The following RBFOX1 variants were observed in gnomAD, a reference collection of about 807,000 sequenced individuals.
The protein encoded by RBFOX1 is RNA binding protein fox-1 homolog 1.
Under a neutral mutation model 57.7 loss-of-function variants are expected in RBFOX1, and 8 were observed. The ratio of observed to expected loss-of-function variants is 0.14; its 90% CI spans 0.08 to 0.25. The LOEUF is 0.25. Among genes scored for constraint, RBFOX1 ranks in the 10% least tolerant of loss-of-function variants. RBFOX1 has a pLI of 1.00. For synonymous variants in RBFOX1, 326 were observed against 222.4 expected, an observed-to-expected ratio of 1.47 and a Z score of -4.15; for missense variants, 611 against 548.5, an observed-to-expected ratio of 1.11 and a Z score of -1.14.
chr16:5,556,643 C>T (rs1001099963), intron 2 of RBFOX1, among the ~76,000 whole-genome samples: 7 of 152,302 alleles, frequency 4.6e-5, no homozygotes, highest in African/African-American at 1.2e-4. Flanking sequence ...GGAGAACCAG[C>T]GGCTGCAGAC....
chr16:7,293,594 A>C (rs2095836223), intron 4 of RBFOX1, among the ~76,000 whole-genome samples: 1 of 152,194 alleles, frequency 6.6e-6, no homozygotes. Context: ...CTCGCAGGCC[A>C]GATGAGGTTG....
intron 2 of RBFOX1, among the ~76,000 whole-genome samples, chr16:6,549,146 G>GAA (rs71386524): frequency 4.9e-5 from 1 of 20,282 alleles, no homozygotes; most frequent in East Asian, 1.0e-3. Flanking sequence ...GAGGAGGAGG[G>GAA]AAGGAGGAGG....
intron 3 of RBFOX1, among the ~76,000 whole-genome samples, chr16:5,848,681 T>C (rs1047017454): frequency 6.6e-6 from 1 of 152,174 alleles, no homozygotes; most frequent in African/African-American, 2.4e-5. Context: ...AAGCAGGGTG[T>C]CATGCCTGTA....
At chr16:6,660,386 C>T (rs556620814) in intron 3 of RBFOX1, among the ~76,000 whole-genome samples, 1 of 152,124 alleles carries the variant, frequency 6.6e-6, no homozygotes, top group Admixed American at 6.5e-5. Context: ...GCACATGTAC[C>T]CCAGAACTAA....
At position 6,348,520 on chromosome 16, in the gene RBFOX1, CG is replaced by C. The variant is rs552914986; in HGVS notation, c.-64+31467del. Among the ~76,000 whole-genome samples, 18 of 152,132 alleles carry C rather than the reference CG, an allele frequency of 1.2e-4. No individual in the cohort carries two copies. The South Asian group carries it at 3.3e-3, about 28-fold the overall frequency. On this transcript the variant is annotated intron_variant, in intron 2 of 15. Coordinates refer to ENST00000550418, the MANE Select transcript of RBFOX1 (RefSeq NM_018723.4). ...CACTGCTATAAGGAAATACCTGAGA[CG>C]GGGTAATTTATAAAGAAATGAGCAT...
chr16:5,787,011 C>T (rs1278998908), intron 3 of RBFOX1, among the ~76,000 whole-genome samples: 1 of 152,260 alleles, frequency 6.6e-6, no homozygotes, highest in South Asian at 2.1e-4. Flanking sequence ...TGGCAGATGC[C>T]TGTAATCTCA....
At chr16:6,592,992 C>G (rs1024177626) in intron 2 of RBFOX1, among the ~76,000 whole-genome samples, 45 of 152,136 alleles carry the variant, frequency 3.0e-4, no homozygotes, top group East Asian at 5.8e-4. Flanking sequence ...CAGGAGTTCA[C>G]GACTAGCCCG....
chr16:6,486,160 G>T (rs62016817), intron 2 of RBFOX1, among the ~76,000 whole-genome samples: 27,436 of 112,908 alleles, frequency 0.24, 2,655 homozygotes, highest in Middle Eastern at 0.39. Context: ...AAAATATATT[G>T]TCATATTTTA....
At chr16:7,498,672 G>T (rs2069542827) in intron 4 of RBFOX1, among the ~76,000 whole-genome samples, 1 of 152,052 alleles carries the variant, frequency 6.6e-6, no homozygotes, top group African/African-American at 2.4e-5. Context: ...CTGGCGTGCA[G>T]TTGCCATGTA....
intron 4 of RBFOX1, among the ~76,000 whole-genome samples, chr16:7,383,710 G>C (rs1036047825): frequency 3.3e-5 from 5 of 152,088 alleles, no homozygotes; most frequent in Non-Finnish European, 5.9e-5. Flanking sequence ...TATATTAAAC[G>C]CCTATTCAAA....
intron 4 of RBFOX1, among the ~76,000 whole-genome samples, chr16:7,193,810 G>A (rs919685994): frequency 3.9e-5 from 6 of 152,098 alleles, no homozygotes; most frequent in Admixed American, 3.9e-4. Flanking sequence ...AAGATATTAT[G>A]GTAATGTATT....
intron 3 of RBFOX1, among the ~76,000 whole-genome samples, chr16:6,777,015 A>T (rs1410784110): frequency 6.6e-6 from 1 of 152,232 alleles, no homozygotes. Flanking sequence ...AGAAACTAAT[A>T]GCCTTCTGTA....
intron 4 of RBFOX1, among the ~76,000 whole-genome samples, chr16:7,182,637 A>G (rs1349684804): frequency 6.6e-6 from 1 of 152,240 alleles, no homozygotes; most frequent in Non-Finnish European, 1.5e-5. Context: ...AATATTCCAT[A>G]GATTCCAGAG....
In RBFOX1 at chr16:6,695,392, A is replaced by C. The variant is rs551969660; in HGVS notation, c.-16+40742A>C. 1.0e-4 allele frequency among the ~76,000 whole-genome samples: 14 copies of C among 133,416 alleles called. No homozygotes were observed. The South Asian group carries it at 3.9e-3, about 37-fold the overall frequency. 87.5% of individuals were successfully genotyped at this position (133,416 alleles called of 152,430 possible). A position where few individuals can be genotyped will look rare whatever the true frequency, so the allele number is the denominator to read the frequency against. On this transcript the variant is annotated intron_variant, in intron 3 of 15. Coordinates refer to ENST00000550418, the MANE Select transcript of RBFOX1 (RefSeq NM_018723.4). The stretch of plus-strand genomic sequence containing the variant: ...GATTGCGCCGCTTCACTCCAGCCTG[A>C]GAGTAAGAGAGAAACTCTGTCAAAA...
intron 4 of RBFOX1, among the ~76,000 whole-genome samples, chr16:7,472,138 T>C (rs1480391343): frequency 6.6e-6 from 1 of 152,242 alleles, no homozygotes; most frequent in African/African-American, 2.4e-5. Flanking sequence ...ATGTTTATAA[T>C]TTCTTCTTTT....
chr16:6,412,023 T>C (rs1171383827), intron 2 of RBFOX1, among the ~76,000 whole-genome samples: 3 of 151,376 alleles, frequency 2.0e-5, no homozygotes, highest in Admixed American at 6.6e-5. Context: ...TCCCAGCCAC[T>C]CAGGAGGCTG....
chr16:6,450,811 A>ATATATATGTATATATATATG (rs1567303343), intron 2 of RBFOX1, among the ~76,000 whole-genome samples: 1 of 24,104 alleles, frequency 4.1e-5, no homozygotes, highest in African/African-American at 2.4e-4. Context: ...GTATATATAT[A>ATATATATGTATATATATATG]TATATACATA....
intron 4 of RBFOX1, among the ~76,000 whole-genome samples, chr16:7,367,680 G>T (rs1203054072): frequency 6.6e-6 from 1 of 152,080 alleles, no homozygotes; most frequent in Non-Finnish European, 1.5e-5. Context: ...GAGAACAAAT[G>T]TCCCATCCCA....
chr16:7,251,338 G>C (rs956301349), intron 4 of RBFOX1, among the ~76,000 whole-genome samples: 2 of 150,954 alleles, frequency 1.3e-5, no homozygotes, highest in African/African-American at 2.4e-5. Flanking sequence ...TGTTGCAGTT[G>C]ACAAGAATTT....
Sources: allele counts gnomAD v4.1 joint callset (sites outside exome capture counted in the v4.1 genomes callset), GRCh38; gene constraint gnomAD v4.1.1; transcripts MANE v1.5; gene names NCBI Gene and HGNC (gene_info 2026-07-23, HGNC 2026-07-21).